ZKSCAN1: variants seen among roughly 807,000 people sequenced by gnomAD.
The protein encoded by ZKSCAN1 is zinc finger protein with KRAB and SCAN domains 1.
ZKSCAN1 carries 14 observed loss-of-function variants against 51.6 expected under a neutral mutation model. That is an observed-to-expected ratio of 0.27 (90% CI 0.18 to 0.42). ZKSCAN1 has a LOEUF of 0.42. Among genes scored for constraint, ZKSCAN1 ranks in the 10% least tolerant of loss-of-function variants. The pLI is 1.00. For synonymous variants in ZKSCAN1, 263 were observed against 261.5 expected (o/e 1.01, Z -0.06); for missense variants, 531 against 710.0 (o/e 0.75, Z 2.86).
intron 5 of ZKSCAN1, among the ~76,000 whole-genome samples, chr7:100,032,309 G>C (rs891559635): frequency 6.6e-6 from 1 of 152,052 alleles, no homozygotes; most frequent in African/African-American, 2.4e-5. Flanking sequence ...TCCAGTAGTA[G>C]ACCTGTGACC....
intron 4 of ZKSCAN1, 44 bp downstream of exon 4, chr7:100,029,996 C>T: frequency 1.3e-6 from 2 of 1,599,986 alleles, no homozygotes; most frequent in Non-Finnish European, 1.7e-6. Context: ...CAGTGTCTGC[C>T]TCTGTTCCTG....
Position 100,032,836 on chromosome 7 carries a change from G to T in ZKSCAN1, c.800-469G>T, listed in dbSNP as rs182697854. On this transcript the variant is annotated intron_variant, in intron 5 of 5. Coordinates refer to ENST00000324306, the MANE Select transcript of ZKSCAN1 (RefSeq NM_003439.4). ...ATCCTGGCTAACATGGTGAAACCCC[G>T]TCTACACTAAAAATACAAAAAATTA... Among the ~76,000 whole-genome samples the T allele has an allele frequency of 3.9e-5, 6 of 152,136 alleles. 1 individual carries two copies. Among genetic ancestry groups the T allele is most frequent in the Admixed American group, 3.9e-4 (6 of 15,266 alleles).
intron 1 of ZKSCAN1, among the ~76,000 whole-genome samples, chr7:100,018,682 C>T (rs548867084): frequency 1.3e-5 from 2 of 152,144 alleles, no homozygotes; most frequent in African/African-American, 2.4e-5. Context: ...CCACTGCGCC[C>T]GGCGCATCAT....
intron 1 of ZKSCAN1, among the ~76,000 whole-genome samples, chr7:100,017,752 C>T (rs964025507): frequency 9.2e-5 from 14 of 152,198 alleles, no homozygotes; most frequent in Admixed American, 8.5e-4. Context: ...TATCTGGAAC[C>T]CCCACCCTAC....
chr7:100,018,138 C>T (rs764893150), intron 1 of ZKSCAN1, among the ~76,000 whole-genome samples: 8 of 152,108 alleles, frequency 5.3e-5, no homozygotes, highest in Non-Finnish European at 8.8e-5. Flanking sequence ...TGCCTAAGGC[C>T]GTCAACTAGT....
At position 100,037,230 on chromosome 7, in the gene ZKSCAN1, A is replaced by G. The variant is rs1011840357; in HGVS notation, c.*3033A>G. ...AGTCTGTTAACAGTTGAAACATTCTACAGTTAACCATTAGCATGCTAGTTG... is the reference window on the plus strand; with the variant it reads ...AGTCTGTTAACAGTTGAAACATTCTGCAGTTAACCATTAGCATGCTAGTTG... On this transcript the variant is annotated 3_prime_UTR_variant, in exon 6 of 6. Coordinates refer to ENST00000324306, the MANE Select transcript of ZKSCAN1 (RefSeq NM_003439.4). 11 of 985,300 alleles carry G rather than the reference A, an allele frequency of 1.1e-5. No homozygotes were observed. The East Asian group carries it at 4.5e-4, about 41-fold the overall frequency. The allele number at this position is 985,300 out of a possible 1,614,324, so 61.0% of individuals were successfully genotyped here. A position where few individuals can be genotyped will look rare whatever the true frequency, so the allele number is the denominator to read the frequency against.
chr7:100,039,435 G>A lies in ZKSCAN1; in HGVS notation c.*5238G>A. 2 of 985,452 alleles carry A rather than the reference G, an allele frequency of 2.0e-6. No homozygotes were observed. Among genetic ancestry groups the A allele is most frequent in the South Asian group, 4.7e-5 (1 of 21,284 alleles). The allele number at this position is 985,452 out of a possible 1,614,324, so 61.0% of individuals were successfully genotyped here. On this transcript the variant is annotated 3_prime_UTR_variant, in exon 6 of 6. Coordinates refer to ENST00000324306, the MANE Select transcript of ZKSCAN1 (RefSeq NM_003439.4). ...CATTGCAAGAAGTCTGTCTGATGAA[G>A]CTCGGGAAGCATTTTGCAATATTCC...
Position 100,034,008 on chromosome 7 carries a change from C to T in ZKSCAN1, c.1503C>T (p.Asn501=). The part of the protein sequence containing the change: ...CSECGKAFNR[N]SYLILHRRIH... The stretch of plus-strand genomic sequence containing the variant: ...AATGTGGAAAAGCTTTCAACCGAAA[C>T]TCATACCTGATTTTGCATCGGAGAA... The change falls in exon 6 of 6, where the codon AAC becomes AAT. Residue 501 remains asparagine (N), a synonymous_variant. Coordinates refer to ENST00000324306, the MANE Select transcript of ZKSCAN1 (RefSeq NM_003439.4). 1 of 1,614,210 alleles carries T rather than the reference C, an allele frequency of 6.2e-7. No individual in the cohort carries two copies. The highest frequency in any genetic ancestry group is 8.5e-7 in the Non-Finnish European group (1 of 1,180,034).
At chr7:100,042,049 T>C (rs1791612277), downstream of ZKSCAN1, among the ~76,000 whole-genome samples, 1 of 152,208 alleles carries the variant, frequency 6.6e-6, no homozygotes, top group Non-Finnish European at 1.5e-5. Context: ...CCAGCCATGG[T>C]GGCTTATGCC....
chr7:100,034,296 T>A lies in ZKSCAN1; in HGVS notation c.*99T>A, dbSNP rs1791252993. ...GAAAAAGAAATACAGCCTCAACAGA[T>A]TAAAAAACAAAAGTCACACTTAAGG... On this transcript the variant is annotated 3_prime_UTR_variant, in exon 6 of 6. Transcript: ENST00000324306. The A allele has an allele frequency of 1.3e-6, 2 of 1,484,660 alleles. No homozygotes were observed. The highest frequency in any genetic ancestry group is 2.4e-5 in the Admixed American group (1 of 41,288). 92.0% of individuals were successfully genotyped at this position (1,484,660 alleles called of 1,614,324 possible). A position where few individuals can be genotyped will look rare whatever the true frequency, so the allele number is the denominator to read the frequency against.
At chr7:100,042,737 CGTGTGTGTGTGT>C (rs34820993), downstream of ZKSCAN1, among the ~76,000 whole-genome samples, 1 of 144,692 alleles carries the variant, frequency 6.9e-6, no homozygotes, top group African/African-American at 2.6e-5. Flanking sequence ...TATAGATACA[CGTGTGTGTGTGT>C]GTGTGTGTGT....
intron 3 of ZKSCAN1, chr7:100,024,623 G>A (rs544879744): frequency 7.6e-5 from 20 of 262,920 alleles, no homozygotes; most frequent in South Asian, 7.2e-4. Flanking sequence ...AATTAGGCTC[G>A]GCACGGTAGC....
chr7:100,022,380 C>T (rs997768207), intron 1 of ZKSCAN1, among the ~76,000 whole-genome samples: 1 of 152,212 alleles, frequency 6.6e-6, no homozygotes, highest in Non-Finnish European at 1.5e-5. Context: ...TCCATTATTT[C>T]ACATAACTGG....
chr7:100,037,638 C>A lies in ZKSCAN1; in HGVS notation c.*3441C>A, dbSNP rs1791419517. 1.0e-6 allele frequency: 1 copy of A among 985,442 alleles called. No homozygotes were observed. The highest frequency in any genetic ancestry group is 1.7e-5 in the African/African-American group (1 of 57,364). 61.0% of individuals were successfully genotyped at this position (985,442 alleles called of 1,614,324 possible). ...GAATATTATATGTGAGGAAAACTTT[C>A]ATGTATAGCACTCATTGCTTCAGAC... is the stretch of plus-strand genomic sequence containing the variant. On this transcript the variant is annotated 3_prime_UTR_variant, in exon 6 of 6. Coordinates refer to ENST00000324306, the MANE Select transcript of ZKSCAN1 (RefSeq NM_003439.4).
At chr7:100,015,914 C>T (rs1393225498) in intron 1 of ZKSCAN1, among the ~76,000 whole-genome samples, 188 bp downstream of exon 1, 2 of 152,160 alleles carry the variant, frequency 1.3e-5, no homozygotes, top group African/African-American at 4.8e-5. Context: ...GGGAGACGTC[C>T]CCGCCCCACC....
At chr7:100,024,653 A>G in intron 3 of ZKSCAN1, 1 of 187,852 alleles carries the variant, frequency 5.3e-6, no homozygotes. Context: ...TAATCCCAGC[A>G]CTTTGGGAGG....
chr7:100,044,349 T>G (rs1002282604), downstream of ZKSCAN1, among the ~76,000 whole-genome samples: 4 of 152,044 alleles, frequency 2.6e-5, no homozygotes, highest in African/African-American at 9.7e-5. Context: ...TGGTCCTGAA[T>G]AAAGTCTTCC....
rs1185423021 is a variant in ZKSCAN1 at position 100,033,036 on chromosome 7, G to A, written c.800-269G>A. Among the ~76,000 whole-genome samples, 1 of 151,738 alleles carries A rather than the reference G, an allele frequency of 6.6e-6. No homozygotes were observed. The highest frequency in any genetic ancestry group is 1.5e-5 in the Non-Finnish European group (1 of 67,926). ...AAAAAAAAAAAGTTACCCGGGCGTG[G>A]TAGCATGCACCTATAGTCCCAGCTA... is the stretch of plus-strand genomic sequence containing the variant. On this transcript the variant is annotated intron_variant, in intron 5 of 5. Coordinates refer to ENST00000324306, the MANE Select transcript of ZKSCAN1 (RefSeq NM_003439.4). The surrounding 1 kb of genome is among the most constrained non-coding windows in gnomAD (Gnocchi z 4.1).
intron 1 of ZKSCAN1, among the ~76,000 whole-genome samples, chr7:100,023,014 ATT>A (rs534107464): frequency 6.8e-6 from 1 of 146,312 alleles, no homozygotes; most frequent in African/African-American, 2.5e-5. Flanking sequence ...ATTTGTCAGG[ATT>A]TTTTTTTTTT....
Sources: gnomAD v4.1 joint callset for allele counts (sites outside exome capture counted in the v4.1 genomes callset) on GRCh38, gnomAD v4.1.1 for gene constraint, Gnocchi (gnomAD v3.1) non-coding constraint, MANE v1.5 for transcripts, NCBI Gene and HGNC (gene_info 2026-07-23, HGNC 2026-07-21) for gene names.